RBFOX1: variants seen among roughly 807,000 people sequenced by gnomAD.
RBFOX1 encodes the protein RNA binding protein fox-1 homolog 1.
RBFOX1 carries 8 observed loss-of-function variants against 57.7 expected under a neutral mutation model. The ratio of observed to expected loss-of-function variants is 0.14; its 90% CI spans 0.08 to 0.25. RBFOX1 has a LOEUF of 0.25. Among genes scored for constraint, RBFOX1 ranks in the 10% least tolerant of loss-of-function variants. The pLI, the probability that RBFOX1 is intolerant of heterozygous loss-of-function variation, is 1.00. For missense variants in RBFOX1, 611 were observed against 548.5 expected (o/e 1.11, Z -1.14); for synonymous variants, 326 against 222.4 (o/e 1.47, Z -4.15).
At chr16:7,201,816 A>G (rs2088588281) in intron 4 of RBFOX1, among the ~76,000 whole-genome samples, 1 of 152,226 alleles carries the variant, frequency 6.6e-6, no homozygotes, top group South Asian at 2.1e-4. Context: ...TGGGCACGGC[A>G]AGCGTGAAGT....
At chr16:6,585,196 T>C (rs2097590488) in intron 2 of RBFOX1, among the ~76,000 whole-genome samples, 2 of 152,194 alleles carry the variant, frequency 1.3e-5, no homozygotes, top group Admixed American at 1.3e-4. Flanking sequence ...TCCATGGTAT[T>C]TTTCCAAAAC....
At chr16:7,487,969 C>G (rs909637974) in intron 4 of RBFOX1, among the ~76,000 whole-genome samples, 8 of 151,986 alleles carry the variant, frequency 5.3e-5, no homozygotes, top group Admixed American at 1.3e-4. Context: ...TTTTCCAGGG[C>G]CTCTTTTCTA....
chr16:6,183,231 AG>A (rs2097078653), intron 1 of RBFOX1, among the ~76,000 whole-genome samples: 1 of 152,124 alleles, frequency 6.6e-6, no homozygotes, highest in African/African-American at 2.4e-5. Context: ...CTGTAATCCC[AG>A]CACTTTGGGA....
chr16:7,473,487 A>G (rs1312771784), intron 4 of RBFOX1, among the ~76,000 whole-genome samples: 1 of 148,222 alleles, frequency 6.7e-6, no homozygotes, highest in Non-Finnish European at 1.5e-5. Flanking sequence ...ATATATGTAT[A>G]TATGTTTATA....
At chr16:7,227,464 G>A (rs1022948423) in intron 4 of RBFOX1, among the ~76,000 whole-genome samples, 1 of 152,096 alleles carries the variant, frequency 6.6e-6, no homozygotes, top group African/African-American at 2.4e-5. Flanking sequence ...TTAAAAGTAT[G>A]CGATTTTATT....
chr16:7,706,866 G>A (rs1236046698), intron 14 of RBFOX1, among the ~76,000 whole-genome samples: 2 of 152,134 alleles, frequency 1.3e-5, no homozygotes, highest in Non-Finnish European at 2.9e-5. Context: ...AGTGGGTAAA[G>A]GCCCAGGTCT....
intron 2 of RBFOX1, among the ~76,000 whole-genome samples, chr16:6,610,059 T>G (rs1198085555): frequency 7.0e-6 from 1 of 142,806 alleles, no homozygotes; most frequent in Non-Finnish European, 1.5e-5. Flanking sequence ...CCACTAACAA[T>G]GATGATGTGG....
intron 2 of RBFOX1, among the ~76,000 whole-genome samples, chr16:6,475,982 C>T (rs4337300): frequency 0.45 from 67,805 of 151,868 alleles, 16,308 homozygotes; most frequent in South Asian, 0.63. Flanking sequence ...TGGAGTTTTC[C>T]AGAAATGTTA....
chr16:6,961,354 C>T (rs563348334), intron 3 of RBFOX1, among the ~76,000 whole-genome samples: 27 of 152,236 alleles, frequency 1.8e-4, no homozygotes, highest in Non-Finnish European at 2.8e-4. Context: ...CCACTCCAGA[C>T]CGTGTTCAAA....
intron 4 of RBFOX1, among the ~76,000 whole-genome samples, chr16:7,316,658 A>C (rs923280600): frequency 1.3e-5 from 2 of 152,156 alleles, no homozygotes; most frequent in Admixed American, 6.5e-5. Flanking sequence ...AATGCTCTGA[A>C]GGAAAAGAGT....
At chr16:7,671,570 G>T (rs1360773329) in intron 13 of RBFOX1, 1 of 1,611,222 alleles carries the variant, frequency 6.2e-7, no homozygotes, top group Non-Finnish European at 8.5e-7. Flanking sequence ...AGTGTATCAA[G>T]AGCCTGTGTA....
chr16:6,143,634 T>A (rs955783189), intron 1 of RBFOX1, among the ~76,000 whole-genome samples: 4 of 152,146 alleles, frequency 2.6e-5, no homozygotes, highest in African/African-American at 9.7e-5. Context: ...CATGCATGTA[T>A]CTTATATCAT....
chr16:5,377,442 A>T (rs1188874396), intron 1 of RBFOX1, among the ~76,000 whole-genome samples: 3 of 151,154 alleles, frequency 2.0e-5, no homozygotes, highest in Non-Finnish European at 4.4e-5. Flanking sequence ...GAGGGAACAG[A>T]AAGTGCAAAG....
At chr16:7,440,903 G>A (rs1598468839) in intron 4 of RBFOX1, among the ~76,000 whole-genome samples, 3 of 152,258 alleles carry the variant, frequency 2.0e-5, no homozygotes, top group Admixed American at 2.0e-4. Context: ...GCCTGGCATG[G>A]TTGTGCACAA....
chr16:5,513,233 C>G (rs769144452), intron 2 of RBFOX1, among the ~76,000 whole-genome samples: 1 of 152,094 alleles, frequency 6.6e-6, no homozygotes, highest in Admixed American at 6.6e-5. Context: ...TTTTAATGAC[C>G]TTGATGGTTT....
chr16:7,069,630 C>G (rs1253614637), intron 4 of RBFOX1, among the ~76,000 whole-genome samples: 2 of 152,052 alleles, frequency 1.3e-5, no homozygotes, highest in Admixed American at 6.5e-5. Context: ...AATTAACAAC[C>G]CTGGAAAAAG....
chr16:5,871,056 TC>T (rs1374966948), intron 4 of RBFOX1, among the ~76,000 whole-genome samples: 41 of 152,234 alleles, frequency 2.7e-4, no homozygotes, highest in Non-Finnish European at 8.8e-5. Flanking sequence ...GTTTGCTAAA[TC>T]TGGACTTTGA....
At chr16:5,522,262 G>A (rs557720263) in intron 2 of RBFOX1, among the ~76,000 whole-genome samples, 183 of 152,272 alleles carry the variant, frequency 1.2e-3, no homozygotes, top group African/African-American at 4.2e-3. Flanking sequence ...GTACCTCTTT[G>A]AGTCTCTGTT....
intron 3 of RBFOX1, among the ~76,000 whole-genome samples, chr16:7,032,957 G>A (rs1477106480): frequency 6.6e-6 from 1 of 152,136 alleles, no homozygotes; most frequent in African/African-American, 2.4e-5. Context: ...CAATTTGGGA[G>A]ACAGTGTGAG....
Sources: allele counts gnomAD v4.1 joint callset (sites outside exome capture counted in the v4.1 genomes callset), GRCh38; gene constraint gnomAD v4.1.1; transcripts MANE v1.5; gene names NCBI Gene and HGNC (gene_info 2026-07-23, HGNC 2026-07-21).